The following PPHLN1 variants were observed in gnomAD, a reference collection of about 807,000 sequenced individuals.
The protein encoded by PPHLN1 is periphilin 1, also known as periphilin-1.
A neutral mutation model predicts 51.3 loss-of-function variants in PPHLN1; 29 were observed. The observed-to-expected ratio is 0.57, with a 90% confidence interval of 0.42 to 0.77. The LOEUF is 0.77. Among genes scored for constraint, PPHLN1 ranks in the 30% least tolerant of loss-of-function variants. PPHLN1 has a pLI of 0.00. For missense variants in PPHLN1, 436 were observed against 438.4 expected, an observed-to-expected ratio of 0.99 and a Z score of 0.05; for synonymous variants, 147 against 147.8, an observed-to-expected ratio of 0.99 and a Z score of 0.04.
intron 9 of PPHLN1, chr12:42,432,075 C>T (rs1419824250): frequency 1.8e-5 from 28 of 1,567,156 alleles, no homozygotes; most frequent in African/African-American, 6.7e-5. Context: ...TGGTCCACCA[C>T]GACCTCGACC....
chr12:42,394,201 A>G (rs896927167), intron 8 of PPHLN1, among the ~76,000 whole-genome samples: 2 of 152,142 alleles, frequency 1.3e-5, no homozygotes, highest in Non-Finnish European at 2.9e-5. Context: ...GGGACCATAG[A>G]AAAAGGTTTA....
chr12:42,430,711 C>G (rs1278307162), intron 9 of PPHLN1, among the ~76,000 whole-genome samples: 2 of 152,084 alleles, frequency 1.3e-5, no homozygotes, highest in Non-Finnish European at 2.9e-5. Flanking sequence ...CCAGTCTGGT[C>G]TCAAACTCCT....
chr12:42,375,713 A>G (rs549902672), intron 5 of PPHLN1, among the ~76,000 whole-genome samples: 2 of 152,070 alleles, frequency 1.3e-5, no homozygotes, highest in South Asian at 4.2e-4. Flanking sequence ...TTAATTTGTC[A>G]TGCCTGAACC....
intron 9 of PPHLN1, among the ~76,000 whole-genome samples, chr12:42,411,670 C>T (rs988171654): frequency 1.3e-5 from 2 of 151,386 alleles, no homozygotes; most frequent in Non-Finnish European, 2.9e-5. Flanking sequence ...TTTGGGAGGC[C>T]GAGGCGGGTG....
intron 9 of PPHLN1, among the ~76,000 whole-genome samples, chr12:42,439,366 T>C (rs566767833): frequency 6.6e-6 from 1 of 152,374 alleles, no homozygotes; most frequent in South Asian, 2.1e-4. Flanking sequence ...ATTACTTCTG[T>C]GCTCTGTTTT....
chr12:42,333,985 G>A (rs1438074041), intron 1 of PPHLN1, among the ~76,000 whole-genome samples: 1 of 152,074 alleles, frequency 6.6e-6, no homozygotes, highest in Non-Finnish European at 1.5e-5. Flanking sequence ...TTATATGTCT[G>A]TTTTTCTTCT....
rs545745411 is a variant in PPHLN1, at chr12:42,360,431, G to A, written c.299+5209G>A. ...AGGTCTAGGTTATAGGTTTTTGCCA[G>A]GACAGTTCCTGAAGTGATGCTGAAT... On this transcript the variant is annotated intron_variant, in intron 4 of 9. Transcript: ENST00000358314. Among the ~76,000 whole-genome samples, 67 of 141,888 alleles carry A rather than the reference G, an allele frequency of 4.7e-4. No individual in the cohort carries two copies. The South Asian group carries it at 0.014, about 30-fold the overall frequency. The allele number at this position is 141,888 out of a possible 152,430, so 93.1% of individuals were successfully genotyped here. A position where few individuals can be genotyped will look rare whatever the true frequency, so the allele number is the denominator to read the frequency against.
chr12:42,379,723 A>C (rs2076604002), intron 5 of PPHLN1, among the ~76,000 whole-genome samples: 1 of 152,078 alleles, frequency 6.6e-6, no homozygotes, highest in East Asian at 1.9e-4. Flanking sequence ...TTGAAAAAAA[A>C]ACTAGAAATA....
At chr12:42,356,427 C>G (rs915082039) in intron 4 of PPHLN1, among the ~76,000 whole-genome samples, 3 of 152,188 alleles carry the variant, frequency 2.0e-5, no homozygotes, top group Non-Finnish European at 4.4e-5. Context: ...TTGTAGAAAG[C>G]AGAAAGCAAG....
downstream of PPHLN1, chr12:42,445,877 C>T: frequency 7.2e-7 from 1 of 1,384,334 alleles, no homozygotes. Flanking sequence ...CATAAAACTG[C>T]AGTTTTATGG....
chr12:42,353,494 A>G (rs996348380), intron 3 of PPHLN1, among the ~76,000 whole-genome samples: 1 of 152,194 alleles, frequency 6.6e-6, no homozygotes, highest in African/African-American at 2.4e-5. Context: ...AACAATTCCA[A>G]AGTTGTAATG....
At chr12:42,442,840 A>G (rs552842927), downstream of PPHLN1, 42 of 1,550,300 alleles carry the variant, frequency 2.7e-5, no homozygotes, top group South Asian at 4.9e-4. Context: ...CAGAAACAGT[A>G]TATAAAAGTA....
intron 9 of PPHLN1, among the ~76,000 whole-genome samples, chr12:42,425,909 A>G (rs1360078746): frequency 1.3e-5 from 2 of 152,204 alleles, no homozygotes; most frequent in Non-Finnish European, 2.9e-5. Flanking sequence ...ATCATCTGTC[A>G]AAAGAAACTA....
chr12:42,405,144 G>A (rs542403708), intron 9 of PPHLN1, among the ~76,000 whole-genome samples: 71 of 152,236 alleles, frequency 4.7e-4, no homozygotes, highest in African/African-American at 1.6e-3. Flanking sequence ...TGTTTTGCTT[G>A]TATACACATA....
rs943920481 is a variant in PPHLN1 at position 42,358,351 on chromosome 12, C to G, written c.299+3129C>G. The stretch of plus-strand genomic sequence containing the variant: ...GGTATAAGTTCTTCTATATTTTTCT[C>G]TATATTCATAAACATTTAGGGTTTT... On this transcript the variant is annotated intron_variant, in intron 4 of 9. Transcript: ENST00000358314. Among the ~76,000 whole-genome samples, 24 of 152,000 alleles carry G rather than the reference C, an allele frequency of 1.6e-4. 1 individual carries two copies. The highest frequency in any genetic ancestry group is 5.1e-4 in the African/African-American group (21 of 41,388).
chr12:42,445,885 T>C, downstream of PPHLN1: 2 of 1,411,134 alleles, frequency 1.4e-6, no homozygotes, highest in Non-Finnish European at 1.9e-6. Context: ...TGCAGTTTTA[T>C]GGAAAGATGT....
At position 42,348,276 on chromosome 12, in the gene PPHLN1, A is replaced by ATTTTTTTTTTT. The variant is rs1213561958; in HGVS notation, c.73-3594_73-3584dup. 1.2e-3 allele frequency among the ~76,000 whole-genome samples: 107 copies of ATTTTTTTTTTT among 85,602 alleles called. 1 individual carries two copies. The highest frequency in any genetic ancestry group is 6.8e-3 in the Middle Eastern group (1 of 148). 56.2% of individuals were successfully genotyped at this position (85,602 alleles called of 152,430 possible). On this transcript the variant is annotated intron_variant, in intron 2 of 9. Coordinates refer to ENST00000358314, the MANE Select transcript of PPHLN1 (RefSeq NM_201439.2). Reference sequence around the variant, plus strand: ...CAGGCATGCACACCTCACCTGGCTAATTTTTTTTTTTTTTTTTTTTTTTTT... The same window carrying ATTTTTTTTTTT: ...CAGGCATGCACACCTCACCTGGCTAATTTTTTTTTTTTTTTTTTTTTTTTTTTTTTTTTTTT...
Position 42,414,139 on chromosome 12 carries a change from C to T in PPHLN1, c.909+15145C>T, listed in dbSNP as rs976747256. 2.1e-4 allele frequency among the ~76,000 whole-genome samples: 32 copies of T among 152,144 alleles called. 1 individual carries two copies. Among genetic ancestry groups the T allele is most frequent in the African/African-American group, 6.7e-4 (28 of 41,504 alleles). On this transcript the variant is annotated intron_variant, in intron 9 of 9. Transcript: ENST00000358314. The stretch of plus-strand genomic sequence containing the variant: ...GCAATCTCCGCCTCCCTGGGTCAAG[C>T]GATTCTCCTGCCTGTCTCCCGAGTA...
intron 6 of PPHLN1, among the ~76,000 whole-genome samples, chr12:42,386,079 G>A (rs986822753): frequency 5.3e-5 from 8 of 152,186 alleles, no homozygotes; most frequent in African/African-American, 1.4e-4. Context: ...GGGCTGTATC[G>A]TTCTAAAGCT....
Sources: gnomAD v4.1 joint callset for allele counts (sites outside exome capture counted in the v4.1 genomes callset) on GRCh38, gnomAD v4.1.1 for gene constraint, MANE v1.5 for transcripts, NCBI Gene and HGNC (gene_info 2026-07-23, HGNC 2026-07-21) for gene names.